COMMD10: variants seen among roughly 807,000 people sequenced by gnomAD.
COMMD10 encodes the protein COMM domain-containing protein 10.
Under a neutral mutation model 28.9 loss-of-function variants are expected in COMMD10, and 33 were observed. The observed-to-expected ratio is 1.14, with a 90% CI of 0.87 to 1.53. The LOEUF is 1.53. Among genes scored for constraint, COMMD10 ranks in the 40% most tolerant of loss-of-function variants. The pLI, the probability that COMMD10 is intolerant of heterozygous loss-of-function variation, is 0.00. For synonymous variants in COMMD10, 110 were observed against 81.7 expected (o/e 1.35, Z -1.87); for missense variants, 310 against 233.4 (o/e 1.33, Z -2.14).
Position 116,262,249 on chromosome 5 carries a change from A to T in COMMD10, c.511-29268A>T, listed in dbSNP as rs148788673. Among the ~76,000 whole-genome samples, 344 of 151,798 alleles carry T rather than the reference A, an allele frequency of 2.3e-3. 7 individuals are homozygous for T. The highest frequency in any genetic ancestry group is 7.9e-3 in the African/African-American group (326 of 41,264). On this transcript the variant is annotated intron_variant, in intron 5 of 6. Transcript: ENST00000274458. ...CCTACACTTACCTGGTTAGGTTAAA[A>T]TTTCTACATCCCTCAAAACTGCTGA...
intron 5 of COMMD10, among the ~76,000 whole-genome samples, chr5:116,214,129 GTCTTTAAACCTTT>G (rs1277841493): frequency 6.6e-6 from 1 of 152,058 alleles, no homozygotes; most frequent in African/African-American, 2.4e-5. Flanking sequence ...GGCAAACTTT[GTCTTTAAACCTTT>G]AGCTGTTGCT....
At chr5:116,269,665 G>T in intron 5 of COMMD10, among the ~76,000 whole-genome samples, 1 of 151,376 alleles carries the variant, frequency 6.6e-6, no homozygotes, top group African/African-American at 2.4e-5. Flanking sequence ...AAATATTTTA[G>T]CCTCTTCTTA....
chr5:116,239,204 T>A (rs1749753465), intron 5 of COMMD10, among the ~76,000 whole-genome samples: 2 of 152,184 alleles, frequency 1.3e-5, no homozygotes, highest in Admixed American at 6.6e-5. Flanking sequence ...CTTAGTGGAT[T>A]TTTTATAGGT....
chr5:116,278,722 A>G (rs527793794), intron 5 of COMMD10, among the ~76,000 whole-genome samples: 13 of 152,018 alleles, frequency 8.6e-5, no homozygotes, highest in African/African-American at 3.1e-4. Flanking sequence ...TGTTTTAGCT[A>G]AACATGTATA....
intron 5 of COMMD10, among the ~76,000 whole-genome samples, chr5:116,152,734 C>A (rs1752574490): frequency 6.6e-6 from 1 of 151,890 alleles, no homozygotes; most frequent in African/African-American, 2.4e-5. Flanking sequence ...AGGGATGGTC[C>A]AATTTTCATC....
intron 5 of COMMD10, among the ~76,000 whole-genome samples, chr5:116,171,283 A>G (rs1753323711): frequency 1.3e-5 from 2 of 152,184 alleles, no homozygotes; most frequent in African/African-American, 4.8e-5. Context: ...ATGAGATACC[A>G]TCTCACGCCA....
In COMMD10 at chr5:116,234,712, C is replaced by G. The variant is rs188736964; in HGVS notation, c.511-56805C>G. Among the ~76,000 whole-genome samples, 402 of 152,206 alleles carry G rather than the reference C, an allele frequency of 2.6e-3. 2 individuals carry two copies. Among genetic ancestry groups the G allele is most frequent in the African/African-American group, 9.0e-3 (375 of 41,530 alleles). On this transcript the variant is annotated intron_variant, in intron 5 of 6. Transcript: ENST00000274458. ...TACACACAGATCGAGTTAGGAACTT[C>G]CGAAAAAATAGTACTCGTTCTAAAA...
At chr5:116,209,642 A>G (rs1389659732) in intron 5 of COMMD10, among the ~76,000 whole-genome samples, 1 of 152,186 alleles carries the variant, frequency 6.6e-6, no homozygotes. Context: ...AAAAAAGCCA[A>G]CGTATAAAAT....
intron 5 of COMMD10, among the ~76,000 whole-genome samples, chr5:116,234,737 A>G (rs1749616328): frequency 6.6e-6 from 1 of 152,220 alleles, no homozygotes; most frequent in African/African-American, 2.4e-5. Context: ...TCGTTCTAAA[A>G]ACATCCAATT....
At chr5:116,245,675 G>T (rs1450088320) in intron 5 of COMMD10, among the ~76,000 whole-genome samples, 1 of 152,108 alleles carries the variant, frequency 6.6e-6, no homozygotes, top group Non-Finnish European at 1.5e-5. Context: ...GGGCTGCAAG[G>T]TCGGTTCAAC....
intron 4 of COMMD10, among the ~76,000 whole-genome samples, chr5:116,127,123 A>G (rs957177530): frequency 3.3e-5 from 5 of 152,238 alleles, no homozygotes; most frequent in Non-Finnish European, 5.9e-5. Context: ...AAGGATATGA[A>G]CAGACACTTC....
intron 5 of COMMD10, among the ~76,000 whole-genome samples, chr5:116,219,018 C>G (rs1375150214): frequency 6.6e-6 from 1 of 152,120 alleles, no homozygotes; most frequent in Non-Finnish European, 1.5e-5. Flanking sequence ...TCCAGTATGA[C>G]TGGTGTCTTT....
chr5:116,103,844 T>A (rs1011227168), intron 4 of COMMD10, among the ~76,000 whole-genome samples: 4 of 152,192 alleles, frequency 2.6e-5, no homozygotes, highest in Non-Finnish European at 5.9e-5. Context: ...AAGGAAGGGG[T>A]CCATTTTCAC....
chr5:116,088,141 A>T (rs1750170500), intron 2 of COMMD10, among the ~76,000 whole-genome samples: 1 of 152,200 alleles, frequency 6.6e-6, no homozygotes. Flanking sequence ...TTATCAGGTT[A>T]TAAAAATTTG....
chr5:116,164,775 A>G (rs960638300), intron 5 of COMMD10, among the ~76,000 whole-genome samples: 1 of 152,066 alleles, frequency 6.6e-6, no homozygotes, highest in Non-Finnish European at 1.5e-5. Context: ...ATTTTGGGGG[A>G]AAAATTTATA....
intron 4 of COMMD10, among the ~76,000 whole-genome samples, chr5:116,126,186 A>T (rs1462396715): frequency 6.6e-6 from 1 of 152,200 alleles, no homozygotes; most frequent in Non-Finnish European, 1.5e-5. Flanking sequence ...TGCTTCAAAG[A>T]GAATAAAATA....
chr5:116,150,584 G>A (rs368963000), intron 5 of COMMD10, among the ~76,000 whole-genome samples: 3 of 134,970 alleles, frequency 2.2e-5, no homozygotes, highest in Admixed American at 7.2e-5. Context: ...TCCCTTGTAA[G>A]TTGCATTCCT....
intron 5 of COMMD10, among the ~76,000 whole-genome samples, chr5:116,206,308 A>C (rs11241378): frequency 0.27 from 40,318 of 152,008 alleles, 7,083 homozygotes; most frequent in African/African-American, 0.51. Context: ...GGGTAGATCA[A>C]CCCATATGCA....
chr5:116,191,916 C>T (rs1005688344), intron 5 of COMMD10, among the ~76,000 whole-genome samples: 1 of 151,512 alleles, frequency 6.6e-6, no homozygotes, highest in East Asian at 2.0e-4. Flanking sequence ...TCCCACCCCC[C>T]ACTAACTCCA....
Sources: gnomAD v4.1 joint callset for allele counts (sites outside exome capture counted in the v4.1 genomes callset) on GRCh38, gnomAD v4.1.1 for gene constraint, MANE v1.5 for transcripts, NCBI Gene and HGNC (gene_info 2026-07-23, HGNC 2026-07-21) for gene names.